The following SMARCA2 variants were observed in gnomAD, a reference collection of about 807,000 sequenced individuals.
SMARCA2 encodes SWI/SNF related BAF chromatin remodeling complex subunit ATPase 2, also known as SWI/SNF-related matrix-associated actin-dependent regulator of chromatin subfamily A member 2.
Under a neutral mutation model 199.8 loss-of-function variants are expected in SMARCA2, and 61 were observed. The observed-to-expected ratio is 0.31, with a 90% CI of 0.25 to 0.38. SMARCA2 has a LOEUF of 0.38. SMARCA2 is among the 10% of genes least tolerant of loss of function. The pLI is 1.00. For synonymous variants in SMARCA2, 935 were observed against 732.0 expected, an observed-to-expected ratio of 1.28 and a Z score of -4.48; for missense variants, 1,344 against 2,012.2, an observed-to-expected ratio of 0.67 and a Z score of 6.35.
At chr9:2,155,652 G>C (rs1367263080) in intron 27 of SMARCA2, among the ~76,000 whole-genome samples, 1 of 148,140 alleles carries the variant, frequency 6.8e-6, no homozygotes, top group Non-Finnish European at 1.5e-5. Context: ...AGATGTGTAA[G>C]CCGTAGCTCC....
chr9:2,176,988 A>G (rs1035801508), intron 29 of SMARCA2, among the ~76,000 whole-genome samples: 1 of 152,172 alleles, frequency 6.6e-6, no homozygotes, highest in East Asian at 1.9e-4. Context: ...TCACCAATCA[A>G]TACTCAATAA....
rs368599978 is a variant in SMARCA2, at chr9:2,081,998, A to G, written c.2348+3A>G. ...TATCTCATCATTGTTCCCCTTTCGT[A>G]AGTAAAGTCATTTATTCCACAGTCA... On this transcript the variant is annotated splice_donor_region_variant and intron_variant, in intron 15 of 33. Coordinates refer to ENST00000349721, the MANE Select transcript of SMARCA2 (RefSeq NM_003070.5). 6.5e-5 allele frequency: 104 copies of G among 1,611,668 alleles called. No homozygotes were observed. The highest frequency in any genetic ancestry group is 3.2e-4 in the South Asian group (29 of 90,746).
intron 28 of SMARCA2, chr9:2,162,934 C>G (rs533625573): frequency 1.3e-5 from 2 of 152,276 alleles, no homozygotes; most frequent in African/African-American, 2.4e-5. Flanking sequence ...TTGGTCTTAG[C>G]CAAAAGGCTG....
At chr9:2,190,222 C>G (rs377583901) in intron 32 of SMARCA2, among the ~76,000 whole-genome samples, 1 of 152,166 alleles carries the variant, frequency 6.6e-6, no homozygotes, top group Admixed American at 6.5e-5. Context: ...TGCAGTCTTT[C>G]TGAAGGCTAA....
Position 2,101,568 on chromosome 9 carries a change from A to G in SMARCA2, c.3079-2A>G. The G allele has an allele frequency of 6.7e-7, 1 of 1,496,596 alleles. No individual in the cohort carries two copies. The highest frequency in any genetic ancestry group is 9.2e-7 in the Non-Finnish European group (1 of 1,092,152). The allele number at this position is 1,496,596 out of a possible 1,614,324, so 92.7% of individuals were successfully genotyped here. A position where few individuals can be genotyped will look rare whatever the true frequency, so the allele number is the denominator to read the frequency against. On this transcript the variant is annotated splice_acceptor_variant, in intron 21 of 33. Coordinates refer to ENST00000349721, the MANE Select transcript of SMARCA2 (RefSeq NM_003070.5). LOFTEE classifies it high-confidence loss of function. ...CATTCTTTCTATCTCTCTCTTTTAAAGGAATCCTTTGCTGAACACCTAGGC... is the reference window on the plus strand; with the variant it reads ...CATTCTTTCTATCTCTCTCTTTTAAGGGAATCCTTTGCTGAACACCTAGGC...
intron 29 of SMARCA2, among the ~76,000 whole-genome samples, chr9:2,175,301 G>C (rs150740922): frequency 2.6e-4 from 39 of 148,782 alleles, no homozygotes; most frequent in Non-Finnish European, 4.5e-4. Flanking sequence ...GAAAATGCTT[G>C]TCCCCGCCCC....
chr9:2,138,827 C>A (rs1423888788), intron 27 of SMARCA2, among the ~76,000 whole-genome samples: 1 of 152,142 alleles, frequency 6.6e-6, no homozygotes, highest in East Asian at 1.9e-4. Flanking sequence ...CTAGAAAGAA[C>A]CATGTGGGTT....
intron 25 of SMARCA2, among the ~76,000 whole-genome samples, chr9:2,117,723 G>C (rs1335211467): frequency 1.3e-5 from 2 of 152,216 alleles, no homozygotes; most frequent in Non-Finnish European, 2.9e-5. Context: ...TGGGCCCGAG[G>C]GCTGCCAGGT....
rs905164909 is a variant in SMARCA2 at position 2,077,532 on chromosome 9, G to A, written c.2037-97G>A. The A allele has an allele frequency of 1.2e-5, 14 of 1,154,066 alleles. No homozygotes were observed. In the African/African-American group the frequency reaches 1.5e-4, roughly 13 times the overall value. The allele number at this position is 1,154,066 out of a possible 1,614,324, so 71.5% of individuals were successfully genotyped here. ...GGTTGATAAATAAAACACACTTATT[G>A]CAGCTATTTTAGGTTCTCAAATCAT... On this transcript the variant is annotated intron_variant, in intron 13 of 33. Coordinates refer to ENST00000349721, the MANE Select transcript of SMARCA2 (RefSeq NM_003070.5).
chr9:2,175,311 C>G (rs1046818909), intron 29 of SMARCA2, among the ~76,000 whole-genome samples: 9 of 147,702 alleles, frequency 6.1e-5, no homozygotes, highest in African/African-American at 2.0e-4. Context: ...GTCCCCGCCC[C>G]CCCCCAACAA....
At chr9:2,174,483 G>A (rs185033919) in intron 29 of SMARCA2, among the ~76,000 whole-genome samples, 1 of 152,296 alleles carries the variant, frequency 6.6e-6, no homozygotes, top group Admixed American at 6.5e-5. Flanking sequence ...TCCGGTGCCT[G>A]CCACGACCCA....
At chr9:2,101,157 A>G (rs1053777431) in intron 21 of SMARCA2, among the ~76,000 whole-genome samples, 3 of 152,134 alleles carry the variant, frequency 2.0e-5, no homozygotes, top group African/African-American at 4.8e-5. Flanking sequence ...GCCAAACCCT[A>G]TCACATATAT....
At position 2,073,708 on chromosome 9, in the gene SMARCA2, G is replaced by T. The variant is rs12350115; in HGVS notation, c.1935+85G>T. 0.11 allele frequency: 110,866 copies of T among 980,274 alleles called. 7,342 individuals carry two copies. Among genetic ancestry groups the T allele is most frequent in the East Asian group, 0.24 (9,916 of 40,552 alleles). The allele number at this position is 980,274 out of a possible 1,614,324, so 60.7% of individuals were successfully genotyped here. A position where few individuals can be genotyped will look rare whatever the true frequency, so the allele number is the denominator to read the frequency against. ...TTCCTGAATGTAAGCCCGGGCCTTG[G>T]GTCCTTCTATCATTTCTTCCTCCAG... On this transcript the variant is annotated intron_variant, in intron 12 of 33. Transcript: ENST00000349721.
chr9:2,190,388 ATAAAT>A (rs542069223), intron 32 of SMARCA2, among the ~76,000 whole-genome samples: 72 of 152,354 alleles, frequency 4.7e-4, no homozygotes, highest in Admixed American at 2.7e-3. Context: ...GACTGATTAA[ATAAAT>A]TATAGTATAC....
Position 2,120,420 on chromosome 9 carries a change from A to G in SMARCA2, c.3762+885A>G, listed in dbSNP as rs141197123. ...GAGACCTATGTCGCCAGAAATGACA[A>G]ATTTTCAAGGGGAGCTTGAAGTCTA... is the stretch of plus-strand genomic sequence containing the variant. On this transcript the variant is annotated intron_variant, in intron 26 of 33. Transcript: ENST00000349721. Among the ~76,000 whole-genome samples, 1,032 of 152,244 alleles carry G rather than the reference A, an allele frequency of 6.8e-3. 6 individuals carry two copies. The highest frequency in any genetic ancestry group is 0.023 in the African/African-American group (967 of 41,542).
At chr9:2,063,711 T>G (rs531672557) in intron 9 of SMARCA2, among the ~76,000 whole-genome samples, 7 of 148,110 alleles carry the variant, frequency 4.7e-5, no homozygotes, top group South Asian at 4.4e-4. Context: ...AAAGATTACC[T>G]TTTATTTTCA....
intron 14 of SMARCA2, chr9:2,080,041 G>C (rs1211983332): frequency 6.6e-6 from 1 of 152,236 alleles, no homozygotes; most frequent in African/African-American, 2.4e-5. Context: ...GACTAGCCAT[G>C]TCCGCCTGAT....
chr9:2,187,903 A>G (rs1563843890), intron 32 of SMARCA2, among the ~76,000 whole-genome samples: 1 of 152,072 alleles, frequency 6.6e-6, no homozygotes, highest in African/African-American at 2.4e-5. Flanking sequence ...ATATATTCAT[A>G]ATAAGTACAA....
At chr9:2,116,191 C>A (rs986990639) in intron 25 of SMARCA2, 142 bp downstream of exon 25, 2 of 658,898 alleles carry the variant, frequency 3.0e-6, no homozygotes, top group Non-Finnish European at 5.3e-6. Flanking sequence ...TAGATCCCAA[C>A]CACAGAAAGC....
Sources: gnomAD v4.1 joint callset for allele counts (sites outside exome capture counted in the v4.1 genomes callset) on GRCh38, gnomAD v4.1.1 for gene constraint, MANE v1.5 for transcripts, NCBI Gene and HGNC (gene_info 2026-07-23, HGNC 2026-07-21) for gene names.